The following DNAH8 variants were observed in gnomAD, a reference collection of about 807,000 sequenced individuals.
DNAH8 encodes the protein axonemal beta dynein heavy chain 8.
Under a neutral mutation model 562.1 loss-of-function variants are expected in DNAH8, and 382 were observed. That is an observed-to-expected ratio of 0.68 (90% CI 0.63 to 0.74). DNAH8 has a LOEUF of 0.74. Ranked by LOEUF, DNAH8 falls within the 30% of genes least tolerant of loss-of-function variation. DNAH8 has a pLI of 0.00. For missense variants in DNAH8, 5,203 were observed against 5,620.4 expected, an observed-to-expected ratio of 0.93 and a Z score of 2.37; for synonymous variants, 1,881 against 1,919.4, an observed-to-expected ratio of 0.98 and a Z score of 0.52.
chr6:38,794,116 TA>T (rs973280054), intron 21 of DNAH8, among the ~76,000 whole-genome samples: 2 of 152,198 alleles, frequency 1.3e-5, no homozygotes, highest in Admixed American at 1.3e-4. Flanking sequence ...TATGTAAGGG[TA>T]AACTAGTTGT....
chr6:38,983,040 A>ATT (rs1764139480), intron 86 of DNAH8, among the ~76,000 whole-genome samples: 1 of 152,220 alleles, frequency 6.6e-6, no homozygotes, highest in African/African-American at 2.4e-5. Context: ...AACAGACAGG[A>ATT]GAGACTAAGA....
In DNAH8 at chr6:38,898,373, T is replaced by C; in HGVS notation, c.9056T>C (p.Leu3019Pro). 6.4e-7 allele frequency: 1 copy of C among 1,571,406 alleles called. No individual in the cohort carries two copies. Among genetic ancestry groups the C allele is most frequent in the Non-Finnish European group, 8.6e-7 (1 of 1,166,338 alleles). Residue 3019 changes from leucine (L) to proline (P), a missense_variant, in exon 61 of 93, where the codon CTT becomes CCT. By Grantham distance (98) the Leu-to-Pro change is moderately conservative. Transcript: ENST00000327475. ...TTTTTTAAAGATGCAATGACTCATC[T>C]TATTAAGGTCCTAACTATTGCCTAT... is the stretch of plus-strand genomic sequence containing the variant. The part of the protein sequence containing the change: ...LVFFKDAMTH[L>P]IKISRIIRTS...
At position 38,926,045 on chromosome 6, in the gene DNAH8, T is replaced by C. The variant is rs1193322659; in HGVS notation, c.10963-10T>C. 6.2e-7 allele frequency: 1 copy of C among 1,611,924 alleles called. No individual in the cohort carries two copies. Among genetic ancestry groups the C allele is most frequent in the Non-Finnish European group, 8.5e-7 (1 of 1,178,896 alleles). On this transcript the variant is annotated splice_polypyrimidine_tract_variant and intron_variant, in intron 73 of 92. Transcript: ENST00000327475. ...CCTTTGAATGGTGATATCCATTTCC[T>C]GTTGTTCAGATTGGTGAGTGGGGGC...
chr6:38,910,049 A>T (rs558358030), intron 65 of DNAH8, among the ~76,000 whole-genome samples: 1 of 152,338 alleles, frequency 6.6e-6, no homozygotes, highest in East Asian at 1.9e-4. Context: ...TAACTAATTC[A>T]TCACCAACTG....
chr6:38,858,310 T>G (rs1387852177), intron 42 of DNAH8, among the ~76,000 whole-genome samples: 1 of 152,212 alleles, frequency 6.6e-6, no homozygotes, highest in Non-Finnish European at 1.5e-5. Context: ...CTCCTATTGC[T>G]TTAGTCTACT....
intron 91 of DNAH8, among the ~76,000 whole-genome samples, chr6:39,013,800 A>G (rs949619836): frequency 1.3e-5 from 2 of 152,126 alleles, no homozygotes; most frequent in East Asian, 1.9e-4. Context: ...GCAGTGAGCC[A>G]TAATTGCACC....
chr6:38,756,973 A>G (rs1311235794), intron 10 of DNAH8, among the ~76,000 whole-genome samples: 1 of 152,120 alleles, frequency 6.6e-6, no homozygotes, highest in African/African-American at 2.4e-5. Flanking sequence ...TAGTGCCGCA[A>G]TAAACATACG....
intron 21 of DNAH8, among the ~76,000 whole-genome samples, chr6:38,798,197 G>A (rs1461243599): frequency 2.6e-5 from 4 of 152,270 alleles, no homozygotes; most frequent in African/African-American, 7.2e-5. Flanking sequence ...GAGGTGATGA[G>A]AATATTATGG....
chr6:38,981,735 A>G (rs1361221052), intron 85 of DNAH8, among the ~76,000 whole-genome samples: 1 of 152,220 alleles, frequency 6.6e-6, no homozygotes, highest in African/African-American at 2.4e-5. Flanking sequence ...TTTGTTGAGC[A>G]TCTACTGCAT....
At chr6:38,781,036 A>G (rs1768539250) in intron 15 of DNAH8, among the ~76,000 whole-genome samples, 1 of 152,210 alleles carries the variant, frequency 6.6e-6, no homozygotes, top group Non-Finnish European at 1.5e-5. Flanking sequence ...AATACATGTA[A>G]TAGGAAATAA....
At chr6:38,960,922 T>A (rs1293428324) in intron 82 of DNAH8, among the ~76,000 whole-genome samples, 1 of 151,918 alleles carries the variant, frequency 6.6e-6, no homozygotes, top group Non-Finnish European at 1.5e-5. Context: ...AGCCAAGATA[T>A]AGAATCACCC....
At chr6:38,840,016 C>T (rs1774645103) in intron 33 of DNAH8, among the ~76,000 whole-genome samples, 1 of 152,178 alleles carries the variant, frequency 6.6e-6, no homozygotes, top group Non-Finnish European at 1.5e-5. Context: ...TAAACTCAAA[C>T]TTTTATTCTG....
Position 38,723,425 on chromosome 6 carries a change from G to T in DNAH8, c.479G>T (p.Gly160Val), listed in dbSNP as rs1414872977. Reference sequence around the variant, plus strand: ...TTTGAAATTCTAGCAGAAAATCTTGGCCTGGACATAGTAACTGTTGAAGAA... The same window carrying T: ...TTTGAAATTCTAGCAGAAAATCTTGTCCTGGACATAGTAACTGTTGAAGAA... ...YIFEILAENL[G>V]LDIVTVEELI... The change falls in exon 3 of 93, where the codon GGC becomes GTC. Residue 160 changes from glycine (G) to valine (V), a missense_variant. Gly to Val is a moderately radical substitution (Grantham distance 109). Around this residue, in one of 6 missense-constraint regions of DNAH8, gnomAD observed 556 missense variants for 496.9 expected, o/e 1.12. Transcript: ENST00000327475. The T allele has an allele frequency of 6.2e-7, 1 of 1,612,002 alleles. No individual in the cohort carries two copies. The highest frequency in any genetic ancestry group is 8.5e-7 in the Non-Finnish European group (1 of 1,179,754).
At chr6:38,908,307 A>T (rs1173649228) in intron 64 of DNAH8, among the ~76,000 whole-genome samples, 187 bp downstream of exon 64, 1 of 152,208 alleles carries the variant, frequency 6.6e-6, no homozygotes, top group East Asian at 1.9e-4. Flanking sequence ...TAAAATATTC[A>T]TATTATTAAA....
chr6:38,959,144 A>T (rs1387661096), intron 82 of DNAH8, among the ~76,000 whole-genome samples: 1 of 152,206 alleles, frequency 6.6e-6, no homozygotes, highest in Non-Finnish European at 1.5e-5. Context: ...AATAAAGGTC[A>T]TGTATGACAA....
intron 33 of DNAH8, among the ~76,000 whole-genome samples, chr6:38,838,388 C>T (rs1037958123): frequency 7.3e-5 from 11 of 151,564 alleles, no homozygotes; most frequent in African/African-American, 2.7e-4. Context: ...GAATAACCTT[C>T]CTGGCTCCCC....
chr6:38,973,156 G>A (rs911974603), intron 83 of DNAH8, among the ~76,000 whole-genome samples: 1 of 152,240 alleles, frequency 6.6e-6, no homozygotes, highest in Non-Finnish European at 1.5e-5. Context: ...TCAGGAAAGT[G>A]TGGAGAGTGA....
At chr6:38,832,548 C>G (rs1773930340) in intron 31 of DNAH8, 113 bp downstream of exon 31, 1 of 613,848 alleles carries the variant, frequency 1.6e-6, no homozygotes, top group Non-Finnish European at 2.9e-6. Context: ...GCTATATTTG[C>G]GTATTTGCAG....
intron 76 of DNAH8, 143 bp from the exon 77 acceptor site, chr6:38,935,449 G>C: frequency 1.6e-6 from 1 of 611,064 alleles, no homozygotes; most frequent in Non-Finnish European, 2.8e-6. Context: ...AGATAGATTT[G>C]GCTAATGATA....
Sources: gnomAD v4.1 joint callset for allele counts (sites outside exome capture counted in the v4.1 genomes callset) on GRCh38, gnomAD v4.1.1 for gene constraint, gnomAD v4.1.1 regional missense constraint, MANE v1.5 for transcripts, NCBI Gene and HGNC (gene_info 2026-07-23, HGNC 2026-07-21) for gene names.